DNAH6: variants seen among roughly 807,000 people sequenced by gnomAD.
DNAH6 encodes dynein axonemal heavy chain 6, also known as axonemal beta dynein heavy chain 6.
DNAH6 carries 340 observed loss-of-function variants against 491.4 expected under a neutral mutation model. That is an observed-to-expected ratio of 0.69 (90% CI 0.63 to 0.76). DNAH6 has a LOEUF of 0.76. Among genes scored for constraint, DNAH6 ranks in the 30% least tolerant of loss-of-function variants. DNAH6 has a pLI of 0.00. For synonymous variants in DNAH6, 1,603 were observed against 1,686.1 expected (o/e 0.95, Z 1.21); for missense variants, 4,443 against 4,972.2 (o/e 0.89, Z 3.20).
chr2:84,762,630 C>T, intron 63 of DNAH6, 125 bp from the exon 64 acceptor site: 1 of 637,130 alleles, frequency 1.6e-6, no homozygotes, highest in Non-Finnish European at 2.7e-6. Flanking sequence ...AGATGTATAC[C>T]CAATCAAGAC....
At chr2:84,702,939 G>A (rs1260409564) in intron 49 of DNAH6, among the ~76,000 whole-genome samples, 1 of 152,118 alleles carries the variant, frequency 6.6e-6, no homozygotes, top group Non-Finnish European at 1.5e-5. Flanking sequence ...CTACCACAGG[G>A]AAGTAGGTTT....
rs769087418 is a variant in DNAH6, at chr2:84,784,781, C to T, written c.10924C>T (p.Pro3642Ser). 10 of 1,550,084 alleles carry T rather than the reference C, an allele frequency of 6.5e-6. No individual in the cohort carries two copies. In the Admixed American group the frequency reaches 9.8e-5, roughly 15 times the overall value. ...AAGCTCCATGCCTAGTAATACATTTCCTGTTACAGTTCTTCAAAATTCTGT... is the reference window on the plus strand; with the variant it reads ...AAGCTCCATGCCTAGTAATACATTTTCTGTTACAGTTCTTCAAAATTCTGT... ...FLSSMPSNTFPVTVLQNSVKV... is the reference protein window; with the variant it reads ...FLSSMPSNTFSVTVLQNSVKV... Residue 3642 changes from proline (P) to serine (S), a missense_variant, in exon 66 of 77, where the codon CCT becomes TCT. Pro to Ser is a moderately conservative substitution (Grantham distance 74). Transcript: ENST00000389394.
At chr2:84,656,887 T>C (rs1038479931) in intron 35 of DNAH6, among the ~76,000 whole-genome samples, 7 of 152,034 alleles carry the variant, frequency 4.6e-5, no homozygotes, top group African/African-American at 1.7e-4. Context: ...ATGGTGCCTT[T>C]GGTGTCATAC....
intron 9 of DNAH6, among the ~76,000 whole-genome samples, chr2:84,551,553 A>G (rs917751383): frequency 1.3e-5 from 2 of 152,212 alleles, no homozygotes; most frequent in African/African-American, 4.8e-5. Flanking sequence ...TCTATTATTG[A>G]TCACATTCCC....
At chr2:84,554,120 T>C (rs1679789564) in intron 10 of DNAH6, among the ~76,000 whole-genome samples, 1 of 152,204 alleles carries the variant, frequency 6.6e-6, no homozygotes, top group African/African-American at 2.4e-5. Flanking sequence ...GTTTACAATA[T>C]GGCCATTCAC....
chr2:84,774,997 T>G (rs1675988063), intron 64 of DNAH6, among the ~76,000 whole-genome samples: 1 of 152,138 alleles, frequency 6.6e-6, no homozygotes, highest in Non-Finnish European at 1.5e-5. Context: ...TGTCTTTTAT[T>G]TTTTTCTCTT....
chr2:84,638,442 T>C (rs1169818604), intron 31 of DNAH6, among the ~76,000 whole-genome samples: 1 of 152,028 alleles, frequency 6.6e-6, no homozygotes, highest in African/African-American at 2.4e-5. Context: ...AAGACCAAAA[T>C]ATAAGGCATT....
At chr2:84,551,726 G>A (rs1679388399) in intron 9 of DNAH6, among the ~76,000 whole-genome samples, 1 of 152,138 alleles carries the variant, frequency 6.6e-6, no homozygotes, top group South Asian at 2.1e-4. Flanking sequence ...TCTCCAGAAA[G>A]CTTTGTCAGT....
rs1683427930 is a variant in DNAH6, at chr2:84,585,308, G to A, written c.2481+1058G>A. 2.0e-5 allele frequency among the ~76,000 whole-genome samples: 3 copies of A among 152,140 alleles called. No individual in the cohort carries two copies. In the South Asian group the frequency reaches 6.2e-4, roughly 31 times the overall value. On this transcript the variant is annotated intron_variant, in intron 15 of 76. Coordinates refer to ENST00000389394, the MANE Select transcript of DNAH6 (RefSeq NM_001370.2). The stretch of plus-strand genomic sequence containing the variant: ...CTAATTACTCATCCTTTTGTTATGG[G>A]ATATTTGGGGTGTCATTTTTCTGGC...
At chr2:84,478,514 T>C in the DNAH6 span, among the ~76,000 whole-genome samples, 5 of 152,158 alleles carry the variant, frequency 3.3e-5, no homozygotes, top group African/African-American at 1.2e-4. Context: ...CCATCTGCAT[T>C]GGACCTTATA....
At chr2:84,803,844 T>G (rs1261402671) in intron 70 of DNAH6, among the ~76,000 whole-genome samples, 1 of 152,184 alleles carries the variant, frequency 6.6e-6, no homozygotes, top group Non-Finnish European at 1.5e-5. Context: ...TCGCCTCTAC[T>G]TAATCTATCA....
At chr2:84,590,031 G>T (rs1041539461) in intron 16 of DNAH6, among the ~76,000 whole-genome samples, 3 of 152,048 alleles carry the variant, frequency 2.0e-5, no homozygotes, top group Non-Finnish European at 4.4e-5. Flanking sequence ...AGGGTCCAGG[G>T]ATTGGTAGAG....
At chr2:84,608,105 G>GTCCTT (rs1333913981) in intron 21 of DNAH6, among the ~76,000 whole-genome samples, 1 of 152,198 alleles carries the variant, frequency 6.6e-6, no homozygotes, top group African/African-American at 2.4e-5. Context: ...TAAGAAGCAA[G>GTCCTT]TCCTTATCTA....
chr2:84,666,229 A>G (rs936160119), intron 37 of DNAH6, among the ~76,000 whole-genome samples: 1 of 152,162 alleles, frequency 6.6e-6, no homozygotes, highest in Non-Finnish European at 1.5e-5. Flanking sequence ...CCTATTCAAC[A>G]TAGTGTTGGA....
intron 63 of DNAH6, among the ~76,000 whole-genome samples, chr2:84,758,524 A>T (rs1397203953): frequency 6.6e-6 from 1 of 152,176 alleles, no homozygotes; most frequent in Non-Finnish European, 1.5e-5. Context: ...AAAATCCCCA[A>T]CAAAATGCTA....
At chr2:84,570,306 G>A (rs2103913174) in intron 11 of DNAH6, among the ~76,000 whole-genome samples, 1 of 152,294 alleles carries the variant, frequency 6.6e-6, no homozygotes, top group African/African-American at 2.4e-5. Context: ...TGTCTAGCTA[G>A]AGGATTGTAA....
In DNAH6 at chr2:84,713,400, C is replaced by G; in HGVS notation, c.9543+141C>G. ...TCCTATACACTCCCCTTTCTTCCAC[C>G]ATCTTCCATTCTTGCTTCCCTTCTG... On this transcript the variant is annotated intron_variant, in intron 57 of 76. Coordinates refer to ENST00000389394, the MANE Select transcript of DNAH6 (RefSeq NM_001370.2). 6.4e-6 allele frequency: 5 copies of G among 781,192 alleles called. No individual in the cohort carries two copies. The South Asian group carries it at 1.0e-4, about 16-fold the overall frequency. 48.4% of individuals were successfully genotyped at this position (781,192 alleles called of 1,614,324 possible). A position where few individuals can be genotyped will look rare whatever the true frequency, so the allele number is the denominator to read the frequency against.
chr2:84,544,454 C>T lies in DNAH6; in HGVS notation c.884C>T (p.Thr295Ile). Residue 295 changes from threonine to isoleucine, a missense_variant, in exon 5 of 77, where the codon ACT becomes ATT. Thr to Ile is a moderately conservative substitution (Grantham distance 89). Coordinates refer to ENST00000389394, the MANE Select transcript of DNAH6 (RefSeq NM_001370.2). The stretch of plus-strand genomic sequence containing the variant: ...AAGAATGTCCGCTCCAAGAAAATCA[C>T]TGGATGTCAAAAATCTCTACAAAAA... ...WRKNVRSKKI[T>I]GCQKSLQKNL... 6 of 1,520,258 alleles carry T rather than the reference C, an allele frequency of 3.9e-6. No individual in the cohort carries two copies. Among genetic ancestry groups the T allele is most frequent in the Non-Finnish European group, 5.4e-6 (6 of 1,118,754 alleles). The allele number at this position is 1,520,258 out of a possible 1,614,324, so 94.2% of individuals were successfully genotyped here.
intron 47 of DNAH6, among the ~76,000 whole-genome samples, chr2:84,698,776 G>A (rs1177933249): frequency 3.3e-5 from 5 of 152,130 alleles, no homozygotes; most frequent in African/African-American, 9.7e-5. Context: ...GCAAAGACAC[G>A]GAACCAACTC....
Sources: gnomAD v4.1 joint callset for allele counts (sites outside exome capture counted in the v4.1 genomes callset) on GRCh38, gnomAD v4.1.1 for gene constraint, MANE v1.5 for transcripts, NCBI Gene and HGNC (gene_info 2026-07-23, HGNC 2026-07-21) for gene names.